The following HMCN1 variants were observed in gnomAD, a reference collection of about 807,000 sequenced individuals.
The protein encoded by HMCN1 is hemicentin 1, also known as hemicentin-1.
In HMCN1, 321 loss-of-function variants were observed where a neutral mutation model predicts 625.9. The observed-to-expected ratio is 0.51, with a 90% CI of 0.47 to 0.56. HMCN1 has a LOEUF of 0.56. Among genes scored for constraint, HMCN1 ranks in the 20% least tolerant of loss-of-function variants. HMCN1 has a pLI of 0.00. For missense variants in HMCN1, 6,588 were observed against 6,887.3 expected (o/e 0.96, Z 1.54); for synonymous variants, 2,425 against 2,417.6 (o/e 1.00, Z -0.09).
At position 185,994,833 on chromosome 1, in the gene HMCN1, G is replaced by A. The variant is rs527332989; in HGVS notation, c.3524G>A (p.Arg1175His). ...TTTCTAGTTCCTCCAAAGATACAGC[G>A]TGGACCTAAACATCTCAAAGTCCAA... ...LNVHVPPKIQ[R>H]GPKHLKVQVG... The change falls in exon 24 of 107, where the codon CGT becomes CAT. Residue 1175 changes from arginine to histidine, a missense_variant. This residue lies in a region of HMCN1 where 4,628 missense variants were observed against 4,853.1 expected (regional missense o/e 0.95). Coordinates refer to ENST00000271588, the MANE Select transcript of HMCN1 (RefSeq NM_031935.3). 42 of 1,613,412 alleles carry A rather than the reference G, an allele frequency of 2.6e-5. No individual in the cohort carries two copies. Among genetic ancestry groups the A allele is most frequent in the African/African-American group, 4.0e-5 (3 of 75,008 alleles).
At position 186,122,943 on chromosome 1, in the gene HMCN1, T is replaced by C. The variant is rs376872884; in HGVS notation, c.12230-8T>C. On this transcript the variant is annotated splice_region_variant and splice_polypyrimidine_tract_variant and intron_variant, in intron 80 of 106. Transcript: ENST00000271588. ...AAGTTTGAACTTTATATTTTTTGTA[T>C]ATTTTAGTTCCTCCAGTCATTAGCC... is the stretch of plus-strand genomic sequence containing the variant. 8.1e-6 allele frequency: 13 copies of C among 1,612,870 alleles called. No individual in the cohort carries two copies. The African/African-American group carries it at 1.7e-4, about 22-fold the overall frequency.
At chr1:186,074,963 T>A in intron 53 of HMCN1, 72 bp downstream of exon 53, 1 of 1,322,670 alleles carries the variant, frequency 7.6e-7, no homozygotes, top group Non-Finnish European at 1.1e-6. Context: ...GAGATTTGAC[T>A]TATTTTAAAC....
At chr1:185,900,347 A>G (rs766216249) in intron 4 of HMCN1, among the ~76,000 whole-genome samples, 2 of 152,014 alleles carry the variant, frequency 1.3e-5, no homozygotes, top group African/African-American at 4.8e-5. Context: ...ATATTCACCT[A>G]TATTATTGCT....
chr1:185,745,266 A>G (rs1654310840), intron 1 of HMCN1, among the ~76,000 whole-genome samples: 1 of 152,118 alleles, frequency 6.6e-6, no homozygotes, highest in African/African-American at 2.4e-5. Flanking sequence ...AACAGACTTA[A>G]GCAGTGTACA....
chr1:186,017,075 A>G lies in HMCN1; in HGVS notation c.5300+4A>G. The G allele has an allele frequency of 6.6e-7, 1 of 1,525,506 alleles. No homozygotes were observed. Among genetic ancestry groups the G allele is most frequent in the Non-Finnish European group, 9.1e-7 (1 of 1,099,582 alleles). The allele number at this position is 1,525,506 out of a possible 1,614,324, so 94.5% of individuals were successfully genotyped here. On this transcript the variant is annotated splice_donor_region_variant and intron_variant, in intron 33 of 106. Transcript: ENST00000271588. ...GCTCTCCCCCACCAACTATCATGTA[A>G]GGGTTTTGGTATGTCTTCTAAATAC...
rs1301188569 is a variant in HMCN1 at position 186,151,369 on chromosome 1, C to T, written c.14758+20C>T. 1 of 1,608,634 alleles carries T rather than the reference C, an allele frequency of 6.2e-7. No homozygotes were observed. Among genetic ancestry groups the T allele is most frequent in the Non-Finnish European group, 8.5e-7 (1 of 1,175,862 alleles). ...GTCTTGGTAAGTCTTTGCCTCAAGCCTCTTTTTAAAAACTTATATATTATT... is the reference window on the plus strand; with the variant it reads ...GTCTTGGTAAGTCTTTGCCTCAAGCTTCTTTTTAAAAACTTATATATTATT... On this transcript the variant is annotated intron_variant, in intron 94 of 106. Transcript: ENST00000271588.
chr1:185,916,756 G>A (rs1386857240), intron 6 of HMCN1, among the ~76,000 whole-genome samples: 1 of 152,066 alleles, frequency 6.6e-6, no homozygotes, highest in East Asian at 1.9e-4. Flanking sequence ...ATTCTCCCTG[G>A]CTTAATACAA....
intron 1 of HMCN1, among the ~76,000 whole-genome samples, chr1:185,822,771 C>T (rs906102151): frequency 2.0e-5 from 3 of 152,062 alleles, no homozygotes; most frequent in African/African-American, 7.2e-5. Context: ...TCATTTATGA[C>T]TTTGTATTTT....
rs138756477 is a variant in HMCN1, at chr1:185,982,580, C to T, written c.2790+191C>T. 7.4e-3 allele frequency among the ~76,000 whole-genome samples: 1,121 copies of T among 151,884 alleles called. 20 individuals are homozygous for T. Among genetic ancestry groups the T allele is most frequent in the African/African-American group, 0.026 (1,068 of 41,416 alleles). ...CTCAGCCTCCAGAGTAGCAGGATTA[C>T]AGGTGACCGCCACCATGCCCAGCTA... On this transcript the variant is annotated intron_variant, in intron 18 of 106. Coordinates refer to ENST00000271588, the MANE Select transcript of HMCN1 (RefSeq NM_031935.3).
chr1:185,874,932 T>A (rs942646759), intron 4 of HMCN1, among the ~76,000 whole-genome samples: 22 of 151,806 alleles, frequency 1.4e-4, no homozygotes, highest in African/African-American at 4.8e-4. Flanking sequence ...TTGTGAAAAT[T>A]TGGCCATTAT....
chr1:185,832,673 C>T (rs1229116149), intron 1 of HMCN1, among the ~76,000 whole-genome samples: 3 of 152,100 alleles, frequency 2.0e-5, no homozygotes, highest in Non-Finnish European at 4.4e-5. Flanking sequence ...TACTTGAAGA[C>T]ATCATGAGAG....
At chr1:185,811,411 G>A (rs1659507177) in intron 1 of HMCN1, among the ~76,000 whole-genome samples, 1 of 151,942 alleles carries the variant, frequency 6.6e-6, no homozygotes, top group Non-Finnish European at 1.5e-5. Flanking sequence ...GCGATATAGT[G>A]AGACCTCAGC....
intron 4 of HMCN1, among the ~76,000 whole-genome samples, chr1:185,870,826 A>G (rs1249806542): frequency 3.3e-5 from 5 of 152,186 alleles, no homozygotes; most frequent in Admixed American, 2.6e-4. Flanking sequence ...CTGAAGCTCT[A>G]TAACAATAGA....
chr1:186,056,708 C>T lies in HMCN1; in HGVS notation c.7145-526C>T, dbSNP rs79376601. On this transcript the variant is annotated intron_variant, in intron 45 of 106. Coordinates refer to ENST00000271588, the MANE Select transcript of HMCN1 (RefSeq NM_031935.3). ...GAACTAAACATTGGGTACTCAAAGA[C>T]ATAAAGATGGCAACAGTAGACACTG... 1.4e-3 allele frequency among the ~76,000 whole-genome samples: 213 copies of T among 151,892 alleles called. 1 individual carries two copies. Among genetic ancestry groups the T allele is most frequent in the African/African-American group, 4.7e-3 (196 of 41,458 alleles).
At position 186,189,733 on chromosome 1, in the gene HMCN1, A is replaced by G. The variant is rs747440003; in HGVS notation, c.16763A>G (p.Lys5588Arg). ...VPFALRDENLKGVVYTTRPLR... is the reference protein window; with the variant it reads ...VPFALRDENLRGVVYTTRPLR... ...TTTGCCTTGAGGGATGAAAACCTGA[A>G]AGGAGTGGTGTATACAACACGACCA... Residue 5588 changes from lysine (K) to arginine (R), a missense_variant, in exon 107 of 107, where the codon AAA becomes AGA. Physicochemically the swap from Lys to Arg is conservative, Grantham distance 26 (BLOSUM62 2). This residue lies in a region of HMCN1 where 1,954 missense variants were observed against 2,013.1 expected (regional missense o/e 0.97). Transcript: ENST00000271588. 1.2e-6 allele frequency: 2 copies of G among 1,613,618 alleles called. No homozygotes were observed. Among genetic ancestry groups the G allele is most frequent in the East Asian group, 2.2e-5 (1 of 44,836 alleles).
At chr1:185,843,856 G>A (rs1661642482) in intron 1 of HMCN1, among the ~76,000 whole-genome samples, 1 of 152,132 alleles carries the variant, frequency 6.6e-6, no homozygotes, top group Non-Finnish European at 1.5e-5. Flanking sequence ...ATATTTGAGA[G>A]TGTCTGGTTA....
chr1:186,137,969 C>G lies in HMCN1; in HGVS notation c.13921C>G (p.Pro4641Ala), dbSNP rs1429333606. The G allele has an allele frequency of 2.5e-6, 4 of 1,613,740 alleles. No individual in the cohort carries two copies. In the Admixed American group the frequency reaches 6.7e-5, roughly 27 times the overall value. The change falls in exon 89 of 107, where the codon CCA becomes GCA. Residue 4641 changes from proline (P) to alanine (A), a missense_variant. By Grantham distance (27) the Pro-to-Ala change is conservative. Around this residue, in one of 3 missense-constraint regions of HMCN1, gnomAD observed 1,954 missense variants for 2,013.1 expected, o/e 0.97. Transcript: ENST00000271588. ...AATTATGTGCAACATTAGGCCTTGC[C>G]CAGGTGAGAAACCACCAATAATGCT... The part of the protein sequence containing the change: ...EIIMCNIRPC[P>A]VHGAWSAWQP...
At chr1:185,831,249 T>A (rs569055186) in intron 1 of HMCN1, among the ~76,000 whole-genome samples, 30 of 152,188 alleles carry the variant, frequency 2.0e-4, no homozygotes, top group African/African-American at 7.2e-4. Context: ...GATAGGTCAA[T>A]CAAAGGAAAT....
intron 1 of HMCN1, 119 bp downstream of exon 1, chr1:185,735,166 A>G (rs1653472466): frequency 8.8e-7 from 1 of 1,138,816 alleles, no homozygotes; most frequent in African/African-American, 1.5e-5. Flanking sequence ...TGTGCAGCTG[A>G]AAATAGTTGT....
Sources: gnomAD v4.1 joint callset for allele counts (sites outside exome capture counted in the v4.1 genomes callset) on GRCh38, gnomAD v4.1.1 for gene constraint, gnomAD v4.1.1 regional missense constraint, MANE v1.5 for transcripts, NCBI Gene and HGNC (gene_info 2026-07-23, HGNC 2026-07-21) for gene names.